Variants in DIAPH1 observed in about 807,000 individuals in gnomAD.
The protein encoded by DIAPH1 is protein diaphanous homolog 1.
DIAPH1 carries 46 observed loss-of-function variants against 140.7 expected under a neutral mutation model. That is an observed-to-expected ratio of 0.33 (90% CI 0.26 to 0.42). DIAPH1 has a LOEUF of 0.42. DIAPH1 is among the 10% of genes least tolerant of loss of function. The pLI is 1.00. For synonymous variants in DIAPH1, 565 were observed against 551.6 expected, an observed-to-expected ratio of 1.02 and a Z score of -0.34; for missense variants, 1,310 against 1,558.7, an observed-to-expected ratio of 0.84 and a Z score of 2.69.
At chr5:141,584,302 T>G in intron 3 of DIAPH1, 77 bp from the exon 4 acceptor site, 1 of 793,518 alleles carries the variant, frequency 1.3e-6, no homozygotes, top group East Asian at 2.6e-5. Flanking sequence ...AATATTAGTA[T>G]GCTTAGTGAA....
At position 141,573,545 on chromosome 5, in the gene DIAPH1, G is replaced by C. The variant is rs1246728670; in HGVS notation, c.2305C>G (p.Pro769Ala). 6.2e-7 allele frequency: 1 copy of C among 1,614,072 alleles called. No individual in the cohort carries two copies. Reference sequence around the variant, plus strand: ...ACCTCTGGCTTATAAAGCTTTTTGGGGGTTAATCCAAATGGCAGAACTGGG... The same window carrying C: ...ACCTCTGGCTTATAAAGCTTTTTGGCGGTTAATCCAAATGGCAGAACTGGG... ...AAPVLPFGLT[P>A]KKLYKPEVQL... The change falls in exon 16 of 28, where the codon CCC becomes GCC. Residue 769 changes from proline (P) to alanine (A), a missense_variant. By Grantham distance (27) the Pro-to-Ala change is conservative. Transcript: ENST00000389054.
chr5:141,534,442 G>A lies in DIAPH1; in HGVS notation c.2483-9C>T. The stretch of plus-strand genomic sequence containing the variant: ...TTCTTGATCCTTCTTGGCTAGCAGG[G>A]AAAAGATTAGAAAAGCATGATTAAA... On this transcript the variant is annotated splice_polypyrimidine_tract_variant and intron_variant, in intron 18 of 27. Transcript: ENST00000389054. 2 of 1,607,902 alleles carry A rather than the reference G, an allele frequency of 1.2e-6. No homozygotes were observed. The highest frequency in any genetic ancestry group is 1.1e-5 in the South Asian group (1 of 90,970).
intron 18 of DIAPH1, among the ~76,000 whole-genome samples, chr5:141,535,620 T>G (rs1182871066): frequency 3.3e-5 from 5 of 152,240 alleles, no homozygotes; most frequent in Admixed American, 3.3e-4. Context: ...TATCACTCCC[T>G]TAATGGCTCT....
intron 19 of DIAPH1, among the ~76,000 whole-genome samples, chr5:141,530,181 T>G (rs1325557577): frequency 6.6e-6 from 1 of 152,180 alleles, no homozygotes; most frequent in East Asian, 1.9e-4. Context: ...TAAACCACCA[T>G]ATCCTATTCC....
chr5:141,560,849 G>A lies in DIAPH1; in HGVS notation c.2482+10579C>T, dbSNP rs967285510. On this transcript the variant is annotated intron_variant, in intron 18 of 27. Transcript: ENST00000389054. ...AACTCCCAGCCCCCAGCCTGAGCCT[G>A]CAGAGACAGCTGCTGGTTTTCGTCA... 1.8e-5 allele frequency: 8 copies of A among 456,028 alleles called. No homozygotes were observed. The Admixed American group carries it at 1.9e-4, about 11-fold the overall frequency. 28.2% of individuals were successfully genotyped at this position (456,028 alleles called of 1,614,324 possible).
intron 1 of DIAPH1, among the ~76,000 whole-genome samples, chr5:141,600,713 G>A (rs762778792): frequency 1.3e-5 from 2 of 152,064 alleles, no homozygotes; most frequent in Non-Finnish European, 2.9e-5. Flanking sequence ...TTCTGTAAAG[G>A]CAAATGTGCT....
intron 19 of DIAPH1, among the ~76,000 whole-genome samples, chr5:141,531,046 TTC>T (rs1260752061): frequency 2.6e-5 from 4 of 152,190 alleles, no homozygotes; most frequent in Non-Finnish European, 5.9e-5. Context: ...AACTAGCCTA[TTC>T]TCTCTCACTT....
chr5:141,591,725 T>TAC, intron 1 of DIAPH1, among the ~76,000 whole-genome samples: 1 of 131,556 alleles, frequency 7.6e-6, no homozygotes, highest in Non-Finnish European at 1.6e-5. Context: ...TATATATATA[T>TAC]ATGAAGGAAG....
chr5:141,608,523 T>C (rs2099901296), intron 1 of DIAPH1, among the ~76,000 whole-genome samples: 1 of 152,210 alleles, frequency 6.6e-6, no homozygotes, highest in Non-Finnish European at 1.5e-5. Context: ...TACAATTTCT[T>C]AAAGAGCAAG....
intron 18 of DIAPH1, among the ~76,000 whole-genome samples, chr5:141,554,113 T>G (rs1469661229): frequency 1.3e-5 from 2 of 152,182 alleles, no homozygotes; most frequent in East Asian, 3.9e-4. Context: ...ACCCCATCTC[T>G]ACCAAAATAC....
chr5:141,571,879 T>C (rs1471769185), intron 17 of DIAPH1, 47 bp downstream of exon 17: 3 of 1,360,790 alleles, frequency 2.2e-6, no homozygotes, highest in Non-Finnish European at 3.2e-6. Flanking sequence ...TGAAAAAATA[T>C]TCTAAGCCCT....
chr5:141,583,990 G>A (rs1011344591), intron 4 of DIAPH1, 134 bp downstream of exon 4: 8 of 669,220 alleles, frequency 1.2e-5, no homozygotes, highest in Non-Finnish European at 1.9e-5. Flanking sequence ...ACAGTAAAAA[G>A]TGAACAGGCT....
In DIAPH1 at chr5:141,573,413, C is replaced by T. The variant is rs573501505; in HGVS notation, c.2358+79G>A. 1,230 of 1,526,346 alleles carry T rather than the reference C, an allele frequency of 8.1e-4. 11 individuals carry two copies. Among genetic ancestry groups the T allele is most frequent in the South Asian group, 4.9e-3 (432 of 88,184 alleles). The allele number at this position is 1,526,346 out of a possible 1,614,324, so 94.6% of individuals were successfully genotyped here. ...TCGCACCACTGCACTCCAGCCTGGGCGACAGAGCGAAACTCCGTCTCAAAA... is the reference window on the plus strand; with the variant it reads ...TCGCACCACTGCACTCCAGCCTGGGTGACAGAGCGAAACTCCGTCTCAAAA... On this transcript the variant is annotated intron_variant, in intron 16 of 27. Coordinates refer to ENST00000389054, the MANE Select transcript of DIAPH1 (RefSeq NM_005219.5).
At chr5:141,539,418 G>GTT (rs57490035) in intron 18 of DIAPH1, among the ~76,000 whole-genome samples, 78 of 132,516 alleles carry the variant, frequency 5.9e-4, no homozygotes, top group African/African-American at 1.7e-3. Flanking sequence ...GGGTAGTTTT[G>GTT]TTTTTTTTTT....
intron 1 of DIAPH1, among the ~76,000 whole-genome samples, chr5:141,588,694 A>T (rs750680313): frequency 6.6e-6 from 1 of 152,206 alleles, no homozygotes; most frequent in South Asian, 2.1e-4. Context: ...TGCTATAGCC[A>T]CTTTGGAAAA....
chr5:141,575,915 G>T (rs2099895901), intron 14 of DIAPH1, among the ~76,000 whole-genome samples: 1 of 152,132 alleles, frequency 6.6e-6, no homozygotes, highest in African/African-American at 2.4e-5. Flanking sequence ...AGTTCCTATT[G>T]TTCTAGGGGT....
chr5:141,572,732 C>T (rs908703468), intron 16 of DIAPH1, among the ~76,000 whole-genome samples: 5 of 149,330 alleles, frequency 3.3e-5, no homozygotes, highest in African/African-American at 1.2e-4. Flanking sequence ...TATGCCACTG[C>T]ACTCCAGCCT....
intron 2 of DIAPH1, chr5:141,587,545 C>T (rs1446690389): frequency 4.1e-5 from 12 of 290,906 alleles, no homozygotes; most frequent in Non-Finnish European, 7.2e-5. Flanking sequence ...CAATAAAATG[C>T]CCTTTGTTTC....
At chr5:141,615,041 C>CT (rs1232341677) in intron 1 of DIAPH1, among the ~76,000 whole-genome samples, 1 of 152,166 alleles carries the variant, frequency 6.6e-6, no homozygotes, top group Non-Finnish European at 1.5e-5. Flanking sequence ...CATTTATACT[C>CT]TATTACTTTG....
Sources: allele counts gnomAD v4.1 joint callset (sites outside exome capture counted in the v4.1 genomes callset), GRCh38; gene constraint gnomAD v4.1.1; transcripts MANE v1.5; gene names NCBI Gene and HGNC (gene_info 2026-07-23, HGNC 2026-07-21).